The following CNTNAP2 variants were observed in gnomAD, a reference collection of about 807,000 sequenced individuals.
CNTNAP2 encodes contactin associated protein 2.
CNTNAP2 carries 98 observed loss-of-function variants against 155.2 expected under a neutral mutation model. The observed-to-expected ratio is 0.63, with a 90% confidence interval of 0.54 to 0.75. The LOEUF (loss-of-function observed/expected upper bound fraction) is 0.75, where lower values mean the gene tolerates loss of function less well. CNTNAP2 is among the 30% of genes least tolerant of loss of function. CNTNAP2 has a pLI of 0.00. For synonymous variants in CNTNAP2, 651 were observed against 631.2 expected (o/e 1.03, Z -0.47); for missense variants, 1,727 against 1,688.1 (o/e 1.02, Z -0.40).
At chr7:147,119,332 A>G (rs1437390693) in intron 5 of CNTNAP2, among the ~76,000 whole-genome samples, 3 of 152,322 alleles carry the variant, frequency 2.0e-5, no homozygotes, top group African/African-American at 4.8e-5. Flanking sequence ...TATTAGCTTT[A>G]CATTGGAAAG....
chr7:148,118,361 G>A, intron 16 of CNTNAP2, 73 bp downstream of exon 16: 1 of 1,510,262 alleles, frequency 6.6e-7, no homozygotes, highest in Non-Finnish European at 9.1e-7. Context: ...TCCTGATTGT[G>A]GAAGGCCTTT....
chr7:146,297,253 G>T (rs1391673042), intron 1 of CNTNAP2, among the ~76,000 whole-genome samples: 1 of 151,834 alleles, frequency 6.6e-6, no homozygotes, highest in Non-Finnish European at 1.5e-5. Flanking sequence ...TCTATATTCA[G>T]ATCTGTATGT....
At chr7:146,174,724 C>T (rs1382768528) in intron 1 of CNTNAP2, among the ~76,000 whole-genome samples, 2 of 151,986 alleles carry the variant, frequency 1.3e-5, no homozygotes, top group African/African-American at 4.8e-5. Context: ...CAGCTGAAAT[C>T]CCAGCTACTC....
At chr7:146,707,642 A>G (rs911050675) in intron 1 of CNTNAP2, among the ~76,000 whole-genome samples, 1 of 152,064 alleles carries the variant, frequency 6.6e-6, no homozygotes. Context: ...TGCTCTTTAA[A>G]TTTTTAGTTC....
chr7:146,242,367 G>A (rs577464331), intron 1 of CNTNAP2, among the ~76,000 whole-genome samples: 6 of 152,006 alleles, frequency 3.9e-5, no homozygotes, highest in East Asian at 3.9e-4. Context: ...GTGAAACCCC[G>A]TCTCTACTAA....
At chr7:146,416,111 C>G (rs980202853) in intron 1 of CNTNAP2, among the ~76,000 whole-genome samples, 8 of 151,458 alleles carry the variant, frequency 5.3e-5, no homozygotes, top group African/African-American at 1.7e-4. Context: ...AATTTCATAA[C>G]TTTTTATATA....
intron 16 of CNTNAP2, among the ~76,000 whole-genome samples, chr7:148,127,058 A>G (rs1022581098): frequency 2.0e-5 from 3 of 152,168 alleles, no homozygotes; most frequent in Non-Finnish European, 4.4e-5. Context: ...TAATCCCAGC[A>G]CTTTGGGAGG....
intron 23 of CNTNAP2, among the ~76,000 whole-genome samples, chr7:148,412,727 A>AAGTGAAT (rs915084851): frequency 4.3e-4 from 66 of 152,298 alleles, no homozygotes; most frequent in African/African-American, 1.5e-3. Flanking sequence ...TTCAGTACAA[A>AAGTGAAT]AGTGAATAAA....
At chr7:147,832,284 A>T (rs1211292088) in intron 13 of CNTNAP2, among the ~76,000 whole-genome samples, 2 of 144,820 alleles carry the variant, frequency 1.4e-5, no homozygotes, top group Non-Finnish European at 3.0e-5. Flanking sequence ...ATGTAATTTA[A>T]TTGTATGTTT....
At chr7:146,121,532 G>T (rs1383918089) in intron 1 of CNTNAP2, among the ~76,000 whole-genome samples, 1 of 152,084 alleles carries the variant, frequency 6.6e-6, no homozygotes, top group African/African-American at 2.4e-5. Context: ...GTGGGATGAA[G>T]AAATAAAACA....
At chr7:146,861,070 T>C (rs970575154) in intron 3 of CNTNAP2, among the ~76,000 whole-genome samples, 7 of 152,186 alleles carry the variant, frequency 4.6e-5, no homozygotes, top group Non-Finnish European at 1.0e-4. Flanking sequence ...GTTTGGTTTT[T>C]TGTTTTTTGA....
At chr7:147,887,303 C>A (rs989047032) in intron 13 of CNTNAP2, among the ~76,000 whole-genome samples, 7 of 152,094 alleles carry the variant, frequency 4.6e-5, no homozygotes, top group African/African-American at 1.4e-4. Context: ...GAAACCCCAT[C>A]TCTACTAAAA....
intron 3 of CNTNAP2, among the ~76,000 whole-genome samples, chr7:146,863,630 T>TG (rs56678448): frequency 0.036 from 5,441 of 152,170 alleles, 321 homozygotes; most frequent in African/African-American, 0.12. Flanking sequence ...TCCTAATTAG[T>TG]ACTATGCTAT....
At chr7:147,109,650 CAGAG>C (rs1407170439) in intron 5 of CNTNAP2, among the ~76,000 whole-genome samples, 2 of 152,000 alleles carry the variant, frequency 1.3e-5, no homozygotes, top group East Asian at 1.9e-4. Flanking sequence ...AAGATGAAGA[CAGAG>C]AGGCAAATAT....
intron 3 of CNTNAP2, among the ~76,000 whole-genome samples, chr7:146,995,183 G>A (rs1798283803): frequency 6.6e-6 from 1 of 151,892 alleles, no homozygotes; most frequent in African/African-American, 2.4e-5. Context: ...CATTTTTATG[G>A]CTGAACAGTA....
chr7:147,110,765 C>T (rs1800860507), intron 5 of CNTNAP2, among the ~76,000 whole-genome samples: 1 of 152,178 alleles, frequency 6.6e-6, no homozygotes, highest in Admixed American at 6.5e-5. Context: ...TTTCTTTACC[C>T]AGTCTATCAT....
chr7:146,721,002 CTA>C (rs1164316638), intron 1 of CNTNAP2, among the ~76,000 whole-genome samples: 1 of 91,750 alleles, frequency 1.1e-5, no homozygotes, highest in Admixed American at 1.0e-4. Context: ...TATATATAGT[CTA>C]TATATATACT....
chr7:147,914,513 T>C, intron 14 of CNTNAP2, among the ~76,000 whole-genome samples: 1 of 150,482 alleles, frequency 6.6e-6, no homozygotes, highest in Non-Finnish European at 1.5e-5. Context: ...GCATTCCAGC[T>C]TGGGTGACAA....
At chr7:146,752,409 C>G in intron 1 of CNTNAP2, among the ~76,000 whole-genome samples, 1 of 152,144 alleles carries the variant, frequency 6.6e-6, no homozygotes, top group East Asian at 1.9e-4. Context: ...TGTTTCTTGG[C>G]CGCATAAATG....
Sources: allele counts gnomAD v4.1 joint callset (sites outside exome capture counted in the v4.1 genomes callset), GRCh38; gene constraint gnomAD v4.1.1; transcripts MANE v1.5; gene names NCBI Gene and HGNC (gene_info 2026-07-23, HGNC 2026-07-21).